The following FMN1 variants were observed in gnomAD, a reference collection of about 807,000 sequenced individuals.
FMN1 encodes formin-1.
Under a neutral mutation model 132.4 loss-of-function variants are expected in FMN1, and 110 were observed. The ratio of observed to expected loss-of-function variants is 0.83; its 90% CI spans 0.71 to 0.97. The LOEUF is 0.97. Ranked by LOEUF, FMN1 falls within the 50% of genes least tolerant of loss-of-function variation. The probability of loss-of-function intolerance (pLI) is 0.00; values close to 1 mark genes in which losing one functional copy is unlikely to be tolerated. For synonymous variants in FMN1, 722 were observed against 651.7 expected (o/e 1.11, Z -1.64); for missense variants, 1,792 against 1,705.3 (o/e 1.05, Z -0.90).
chr15:33,040,767 C>T (rs1374846234), intron 6 of FMN1, among the ~76,000 whole-genome samples: 5 of 152,152 alleles, frequency 3.3e-5, no homozygotes, highest in Admixed American at 1.3e-4. Context: ...TCTTTTTTAT[C>T]GAAGTTCACT....
chr15:32,905,573 G>C (rs149443484), intron 12 of FMN1, among the ~76,000 whole-genome samples: 94 of 152,276 alleles, frequency 6.2e-4, no homozygotes, highest in African/African-American at 2.2e-3. Context: ...AGACAGCCTG[G>C]TCCCAAACAG....
chr15:32,928,637 C>T (rs1306210580), intron 9 of FMN1, among the ~76,000 whole-genome samples: 1 of 152,048 alleles, frequency 6.6e-6, no homozygotes, highest in Non-Finnish European at 1.5e-5. Context: ...AAAAGAGAAA[C>T]GTTTTGGGAA....
At chr15:33,052,191 A>G (rs1425233015) in intron 6 of FMN1, among the ~76,000 whole-genome samples, 2 of 152,222 alleles carry the variant, frequency 1.3e-5, no homozygotes, top group African/African-American at 2.4e-5. Flanking sequence ...CATGAATACT[A>G]TACATAACTA....
intron 5 of FMN1, among the ~76,000 whole-genome samples, chr15:33,077,323 C>G (rs2038250284): frequency 6.7e-6 from 1 of 149,368 alleles, no homozygotes; most frequent in African/African-American, 2.5e-5. Flanking sequence ...GTGTGAGCCA[C>G]TGCGCCCGGC....
intron 10 of FMN1, among the ~76,000 whole-genome samples, chr15:32,916,918 GT>G (rs1023885109): frequency 2.8e-4 from 42 of 152,100 alleles, no homozygotes; most frequent in Non-Finnish European, 5.1e-4. Flanking sequence ...GAAGGACTTG[GT>G]TTTTTGAAAC....
At chr15:33,157,332 A>G (rs1002190345) in intron 3 of FMN1, among the ~76,000 whole-genome samples, 2 of 152,078 alleles carry the variant, frequency 1.3e-5, no homozygotes, top group African/African-American at 4.8e-5. Context: ...AAATAGGAAT[A>G]TGACTGCGTA....
chr15:32,992,535 T>C (rs2033497366), intron 7 of FMN1, among the ~76,000 whole-genome samples: 1 of 152,192 alleles, frequency 6.6e-6, no homozygotes, highest in South Asian at 2.1e-4. Flanking sequence ...TTATAGATCA[T>C]ATCTTAGTTT....
intron 4 of FMN1, among the ~76,000 whole-genome samples, chr15:33,121,224 T>G (rs1463065832): frequency 6.6e-6 from 1 of 152,200 alleles, no homozygotes; most frequent in African/African-American, 2.4e-5. Context: ...GGGTCCTGTG[T>G]CTTGAAACAA....
At chr15:33,111,874 G>T (rs189714451) in intron 4 of FMN1, among the ~76,000 whole-genome samples, 2 of 152,222 alleles carry the variant, frequency 1.3e-5, no homozygotes, top group African/African-American at 2.4e-5. Context: ...TTTGATGATG[G>T]TTGTACAACT....
intron 10 of FMN1, among the ~76,000 whole-genome samples, chr15:32,914,583 G>A (rs2060639388): frequency 6.6e-6 from 1 of 152,172 alleles, no homozygotes; most frequent in Non-Finnish European, 1.5e-5. Context: ...ATGAATGGAG[G>A]AGTAAATTGG....
At position 33,048,562 on chromosome 15, in the gene FMN1, T is replaced by A. The variant is rs116283048; in HGVS notation, c.2161+16395A>T. The stretch of plus-strand genomic sequence containing the variant: ...TAAAAAAAAAGTTTTACATGCAAGG[T>A]GCGTAAAGAAATACATTAGTCTGTT... On this transcript the variant is annotated intron_variant, in intron 6 of 20. Transcript: ENST00000616417. Among the ~76,000 whole-genome samples the A allele has an allele frequency of 6.3e-3, 940 of 148,116 alleles. 10 individuals are homozygous for A. Among genetic ancestry groups the A allele is most frequent in the African/African-American group, 0.022 (892 of 40,294 alleles).
At chr15:33,128,198 A>C (rs1214636847) in intron 4 of FMN1, among the ~76,000 whole-genome samples, 1 of 152,128 alleles carries the variant, frequency 6.6e-6, no homozygotes, top group African/African-American at 2.4e-5. Context: ...GCTCCCGGGA[A>C]AAAAAGCAAA....
At chr15:32,902,622 C>T (rs2060325116) in intron 12 of FMN1, among the ~76,000 whole-genome samples, 1 of 152,166 alleles carries the variant, frequency 6.6e-6, no homozygotes. Context: ...ACATAGTTTA[C>T]AACTCAGTAT....
At chr15:32,799,042 T>C in intron 18 of FMN1, 89 bp from the exon 19 acceptor site, 1 of 1,098,426 alleles carries the variant, frequency 9.1e-7, no homozygotes, top group South Asian at 1.6e-5. Flanking sequence ...CTGGGGGCAG[T>C]TTCTCTTGTG....
chr15:33,012,613 T>C, intron 6 of FMN1: 1 of 1,030,118 alleles, frequency 9.7e-7, no homozygotes. Context: ...CGTTCAGAAA[T>C]ACCACACTGC....
chr15:32,908,708 T>C, intron 11 of FMN1, 130 bp from the exon 12 acceptor site: 2 of 618,054 alleles, frequency 3.2e-6, no homozygotes, highest in Non-Finnish European at 5.6e-6. Flanking sequence ...ACATCACCTG[T>C]CACTTGTCAG....
At chr15:33,064,846 T>C in intron 6 of FMN1, 111 bp downstream of exon 6, 1 of 724,874 alleles carries the variant, frequency 1.4e-6, no homozygotes, top group Non-Finnish European at 2.3e-6. Flanking sequence ...CCTTCAGCAT[T>C]ACATTTTATA....
chr15:32,785,080 G>A (rs1205847421), intron 19 of FMN1, among the ~76,000 whole-genome samples: 1 of 150,334 alleles, frequency 6.7e-6, no homozygotes, highest in Non-Finnish European at 1.5e-5. Flanking sequence ...TGTGTGAACT[G>A]TAACAAGACT....
chr15:33,180,990 A>G (rs1449244738), intron 2 of FMN1, among the ~76,000 whole-genome samples: 1 of 152,084 alleles, frequency 6.6e-6, no homozygotes, highest in Non-Finnish European at 1.5e-5. Context: ...ACCTCAAGTG[A>G]TCCATCACCC....
Sources: gnomAD v4.1 joint callset for allele counts (sites outside exome capture counted in the v4.1 genomes callset) on GRCh38, gnomAD v4.1.1 for gene constraint, MANE v1.5 for transcripts, NCBI Gene and HGNC (gene_info 2026-07-23, HGNC 2026-07-21) for gene names.